ZNF200: variants seen among roughly 807,000 people sequenced by gnomAD.
The protein encoded by ZNF200 is zinc finger protein 200.
ZNF200 carries 35 observed loss-of-function variants against 33.6 expected under a neutral mutation model. The ratio of observed to expected loss-of-function variants is 1.04; its 90% CI spans 0.80 to 1.38. ZNF200 has a LOEUF of 1.38. ZNF200 is among the 40% of genes most tolerant of loss of function. The probability of loss-of-function intolerance (pLI) is 0.00; values close to 1 mark genes in which losing one functional copy is unlikely to be tolerated. For missense variants in ZNF200, 592 were observed against 470.6 expected (o/e 1.26, Z -2.39); for synonymous variants, 209 against 167.7 (o/e 1.25, Z -1.90).
chr16:3,229,563 C>G (rs563329557), intron 4 of ZNF200, among the ~76,000 whole-genome samples: 35 of 152,176 alleles, frequency 2.3e-4, no homozygotes, highest in African/African-American at 8.2e-4. Flanking sequence ...TTCTTCTAAA[C>G]TTTTAAAAAT....
At chr16:3,225,667 T>C (rs1169516164) in intron 4 of ZNF200, 1 of 152,150 alleles carries the variant, frequency 6.6e-6, no homozygotes, top group Non-Finnish European at 1.5e-5. Context: ...ATTGGTAGGC[T>C]TTTTCTATAT....
chr16:3,226,464 T>A (rs2141621454), intron 4 of ZNF200: 1 of 152,350 alleles, frequency 6.6e-6, no homozygotes, highest in African/African-American at 2.4e-5. Context: ...TAATTTCATG[T>A]GAATATTAAC....
intron 4 of ZNF200, among the ~76,000 whole-genome samples, chr16:3,232,125 G>A (rs767123525): frequency 5.3e-5 from 8 of 152,074 alleles, no homozygotes; most frequent in East Asian, 3.8e-4. Context: ...TATACCTGTT[G>A]AGAACAGAGT....
rs149479712 is a variant in ZNF200 at position 3,224,107 on chromosome 16, G to A, written c.973C>T (p.Arg325Cys). ...KNFRQNSHRS[R>C]HEGIHIREKI... ...TCCCTTATATGGATTCCTTCATGAC[G>A]ACTCCGATGAGAATTCTGACGGAAG... is the stretch of plus-strand genomic sequence containing the variant. The change falls in exon 5 of 5, where the codon CGT becomes TGT. Residue 325 changes from arginine to cysteine, a missense_variant. Coordinates refer to ENST00000414144, the MANE Select transcript of ZNF200 (RefSeq NM_198088.3). 5.2e-4 allele frequency: 833 copies of A among 1,614,004 alleles called. 4 individuals are homozygous for A. The highest frequency in any genetic ancestry group is 1.4e-4 in the Non-Finnish European group (166 of 1,180,002).
chr16:3,224,660 C>A (rs776612634), intron 4 of ZNF200, 47 bp from the exon 5 acceptor site: 31 of 1,522,592 alleles, frequency 2.0e-5, no homozygotes, highest in Non-Finnish European at 2.6e-5. Context: ...TATCACAACA[C>A]CAGGCAGGAA....
In ZNF200 at chr16:3,224,284, A is replaced by G; in HGVS notation, c.796T>C (p.Tyr266His). Residue 266 changes from tyrosine to histidine, a missense_variant, in exon 5 of 5, where the codon TAC (tyrosine) becomes CAC (histidine). Transcript: ENST00000414144. Reference protein sequence around the residue: ...LCGKQFNESSYLISHQRTHTG... With the variant: ...LCGKQFNESSHLISHQRTHTG... ...TGGGTCCTCTGGTGGGAAATGAGGT[A>G]AGAACTTTCATTAAACTGTTTCCCA... 1 of 1,614,134 alleles carries G rather than the reference A, an allele frequency of 6.2e-7. No homozygotes were observed. Among genetic ancestry groups the G allele is most frequent in the South Asian group, 1.1e-5 (1 of 91,070 alleles).
chr16:3,232,996 A>T (rs1053420587), intron 2 of ZNF200, 75 bp from the exon 3 acceptor site: 1 of 1,347,420 alleles, frequency 7.4e-7, no homozygotes, highest in Non-Finnish European at 1.0e-6. Flanking sequence ...CCGCGAGGCC[A>T]GGCTGTCCTC....
rs1047176968 is a variant in ZNF200 at position 3,224,622 on chromosome 16, A to G, written c.467-9T>C. The G allele has an allele frequency of 1.9e-6, 3 of 1,571,302 alleles. No homozygotes were observed. Among genetic ancestry groups the G allele is most frequent in the African/African-American group, 1.4e-5 (1 of 72,166 alleles). On this transcript the variant is annotated splice_polypyrimidine_tract_variant and intron_variant, in intron 4 of 4. Coordinates refer to ENST00000414144, the MANE Select transcript of ZNF200 (RefSeq NM_198088.3). ...ATTACTGCCATTGACTGCTGAAACA[A>G]AGAGAGAATTTAACAACTTCTGAGA...
In ZNF200 at chr16:3,233,550, G is replaced by A; in HGVS notation, c.206C>T (p.Thr69Ile). ...LVQPSQKVKE[T>I]LVIMKDVSSS... is the part of the protein sequence containing the mutation. ...GCTCACATCTTTCATAATAACCAAG[G>A]TCTCCTTGACTTTCTGACTGGGCTG... Residue 69 changes from threonine to isoleucine, a missense_variant, in exon 2 of 5, where the codon ACC becomes ATC. Thr to Ile is a moderately conservative substitution (Grantham distance 89). Coordinates refer to ENST00000414144, the MANE Select transcript of ZNF200 (RefSeq NM_198088.3). The A allele has an allele frequency of 1.3e-6, 2 of 1,590,204 alleles. No homozygotes were observed.
At chr16:3,229,941 G>T (rs971466344) in intron 4 of ZNF200, among the ~76,000 whole-genome samples, 2 of 151,814 alleles carry the variant, frequency 1.3e-5, no homozygotes, top group African/African-American at 4.8e-5. Context: ...AATAAATAAA[G>T]ACAGAGAAAT....
Position 3,223,836 on chromosome 16 carries a change from T to G in ZNF200, c.*56A>C. On this transcript the variant is annotated 3_prime_UTR_variant, in exon 5 of 5. Coordinates refer to ENST00000414144, the MANE Select transcript of ZNF200 (RefSeq NM_198088.3). ...AGGCAGCTTGGGAATTCAGAACTACTTATGAAAGCTCTCAGGTTGAGGCAG... is the reference window on the plus strand; with the variant it reads ...AGGCAGCTTGGGAATTCAGAACTACGTATGAAAGCTCTCAGGTTGAGGCAG... The G allele has an allele frequency of 6.5e-7, 1 of 1,529,360 alleles. No homozygotes were observed. The highest frequency in any genetic ancestry group is 8.7e-7 in the Non-Finnish European group (1 of 1,143,486). 94.7% of individuals were successfully genotyped at this position (1,529,360 alleles called of 1,614,324 possible). A position where few individuals can be genotyped will look rare whatever the true frequency, so the allele number is the denominator to read the frequency against.
intron 4 of ZNF200, 95 bp downstream of exon 4, chr16:3,232,326 T>C: frequency 7.2e-7 from 1 of 1,381,790 alleles, no homozygotes; most frequent in African/African-American, 1.4e-5. Context: ...CACATAGGCT[T>C]ACCAGGTGTG....
At position 3,224,713 on chromosome 16, in the gene ZNF200, A is replaced by G. The variant is rs189621979; in HGVS notation, c.467-100T>C. ...TTATGCCACAGCCACCTTGAACGTC[A>G]ATCTGGGGAGTGGCGGATACTGCCG... On this transcript the variant is annotated intron_variant, in intron 4 of 4. Transcript: ENST00000414144. 13 of 1,453,746 alleles carry G rather than the reference A, an allele frequency of 8.9e-6. No homozygotes were observed. The East Asian group carries it at 2.5e-4, about 28-fold the overall frequency. The allele number at this position is 1,453,746 out of a possible 1,614,324, so 90.1% of individuals were successfully genotyped here.
chr16:3,226,310 C>T (rs1958470941), intron 4 of ZNF200: 1 of 151,446 alleles, frequency 6.6e-6, no homozygotes, highest in Admixed American at 6.6e-5. Context: ...CCGCCTAGGC[C>T]TCCCAAAGTG....
At chr16:3,232,031 G>C (rs959141658) in intron 4 of ZNF200, among the ~76,000 whole-genome samples, 1 of 152,160 alleles carries the variant, frequency 6.6e-6, no homozygotes, top group East Asian at 1.9e-4. Flanking sequence ...TTTCACTTAG[G>C]CTAGTAGTCT....
Position 3,233,723 on chromosome 16 carries a change from T to G in ZNF200, c.33A>C (p.Pro11=). The G allele has an allele frequency of 6.2e-7, 1 of 1,612,958 alleles. No individual in the cohort carries two copies. The highest frequency in any genetic ancestry group is 1.1e-5 in the South Asian group (1 of 91,000). The stretch of plus-strand genomic sequence containing the variant: ...TCAGTATAAAGGACTGCTTTGGCTT[T>G]GGGGGCATAGGAACCACTTTTGCAG... MMAAKVVPMP[P]KPKQSFILRV... The change falls in exon 2 of 5, where the codon CCA becomes CCC. Residue 11 remains proline, a synonymous_variant. Transcript: ENST00000414144.
Position 3,223,808 on chromosome 16 carries a change from T to TA in ZNF200, c.*83_*84insT. On this transcript the variant is annotated 3_prime_UTR_variant, in exon 5 of 5. Transcript: ENST00000414144. Reference sequence around the variant, plus strand: ...TGAGATTTTTACACATTTATACCTTTTTAGGCAGCTTGGGAATTCAGAACT... The same window carrying TA: ...TGAGATTTTTACACATTTATACCTTTATTAGGCAGCTTGGGAATTCAGAACT... The TA allele has an allele frequency of 6.6e-7, 1 of 1,505,494 alleles. No homozygotes were observed. The highest frequency in any genetic ancestry group is 8.8e-7 in the Non-Finnish European group (1 of 1,132,216). 93.3% of individuals were successfully genotyped at this position (1,505,494 alleles called of 1,614,324 possible).
rs752762933 is a variant in ZNF200, at chr16:3,224,280, A to T, written c.800T>A (p.Leu267His). The part of the protein sequence containing the change: ...CGKQFNESSY[L>H]ISHQRTHTGE... The stretch of plus-strand genomic sequence containing the variant: ...AGTGTGGGTCCTCTGGTGGGAAATG[A>T]GGTAAGAACTTTCATTAAACTGTTT... The change falls in exon 5 of 5, where the codon CTC becomes CAC. Residue 267 changes from leucine to histidine, a missense_variant. Coordinates refer to ENST00000414144, the MANE Select transcript of ZNF200 (RefSeq NM_198088.3). The T allele has an allele frequency of 6.2e-7, 1 of 1,614,096 alleles. No individual in the cohort carries two copies. The highest frequency in any genetic ancestry group is 1.1e-5 in the South Asian group (1 of 91,066).
intron 4 of ZNF200, 60 bp from the exon 5 acceptor site, chr16:3,224,673 A>G (rs1958422682): frequency 6.6e-7 from 1 of 1,512,762 alleles, no homozygotes. Flanking sequence ...GGCAGGAAAA[A>G]ACAAGTCAGG....
Sources: gnomAD v4.1 joint callset for allele counts (sites outside exome capture counted in the v4.1 genomes callset) on GRCh38, gnomAD v4.1.1 for gene constraint, MANE v1.5 for transcripts, NCBI Gene and HGNC (gene_info 2026-07-23, HGNC 2026-07-21) for gene names.